CYP3A4: variants seen among roughly 807,000 people sequenced by gnomAD.
CYP3A4 encodes cytochrome P450 3A4.
Under a neutral mutation model 54.9 loss-of-function variants are expected in CYP3A4, and 41 were observed. The observed-to-expected ratio is 0.75, with a 90% CI of 0.58 to 0.97. The LOEUF (loss-of-function observed/expected upper bound fraction) is 0.97, where lower values mean the gene tolerates loss of function less well. Among genes scored for constraint, CYP3A4 ranks in the 50% least tolerant of loss-of-function variants. CYP3A4 has a pLI of 0.00. For synonymous variants in CYP3A4, 179 were observed against 205.2 expected, an observed-to-expected ratio of 0.87 and a Z score of 1.09; for missense variants, 510 against 597.3, an observed-to-expected ratio of 0.85 and a Z score of 1.52.
intron 11 of CYP3A4, 118 bp from the exon 12 acceptor site, chr7:99,761,099 TG>T: frequency 8.5e-7 from 1 of 1,177,618 alleles, no homozygotes; most frequent in Non-Finnish European, 1.2e-6. Context: ...GATACTTTTG[TG>T]GGCTGGTCAT....
intron 8 of CYP3A4, 35 bp from the exon 9 acceptor site, chr7:99,766,478 GTGGCTCC>G (rs1563041125): frequency 6.2e-7 from 1 of 1,613,096 alleles, no homozygotes; most frequent in South Asian, 1.1e-5. Context: ...CTGACAGAAA[GTGGCTCC>G]TGAAGTCAGA....
intron 1 of CYP3A4, among the ~76,000 whole-genome samples, chr7:99,781,837 C>T (rs115106387): frequency 6.6e-6 from 1 of 152,216 alleles, no homozygotes; most frequent in Non-Finnish European, 1.5e-5. Flanking sequence ...ATGTTCCAGA[C>T]AGTTGAATTA....
At chr7:99,767,107 C>T in intron 8 of CYP3A4, 24 bp downstream of exon 8, 1 of 1,603,420 alleles carries the variant, frequency 6.2e-7, no homozygotes, top group Non-Finnish European at 8.5e-7. Flanking sequence ...TAAACATCCT[C>T]CTATAACTAC....
chr7:99,776,970 T>C (rs928200360), intron 3 of CYP3A4, among the ~76,000 whole-genome samples: 1 of 152,182 alleles, frequency 6.6e-6, no homozygotes, highest in Non-Finnish European at 1.5e-5. Context: ...TACCCTTCTA[T>C]TAAAAAGTCT....
intron 9 of CYP3A4, among the ~76,000 whole-genome samples, chr7:99,764,761 A>C (rs1815434207): frequency 6.6e-6 from 1 of 152,196 alleles, no homozygotes; most frequent in Admixed American, 6.5e-5. Flanking sequence ...AGAATTGACT[A>C]TCTCAGGATG....
intron 9 of CYP3A4, among the ~76,000 whole-genome samples, chr7:99,766,134 A>T (rs1815470695): frequency 6.6e-6 from 1 of 152,138 alleles, no homozygotes; most frequent in Non-Finnish European, 1.5e-5. Context: ...TGATCCACAG[A>T]CCGCAGACTG....
At chr7:99,783,923 G>A (rs1206632949) in intron 1 of CYP3A4, 88 bp downstream of exon 1, 1 of 1,451,458 alleles carries the variant, frequency 6.9e-7, no homozygotes, top group Non-Finnish European at 9.7e-7. Context: ...CATCTTTTTT[G>A]ATCTTCAAAA....
At chr7:99,761,815 C>T (rs1025880214) in intron 11 of CYP3A4, among the ~76,000 whole-genome samples, 1 of 152,050 alleles carries the variant, frequency 6.6e-6, no homozygotes, top group African/African-American at 2.4e-5. Context: ...TAACTGATGA[C>T]CTTCATCGTA....
rs1170894844 is a variant in CYP3A4, at chr7:99,766,398, T to C, written c.844A>G (p.Lys282Glu). ...LQLMIDSQNS[K>E]ETESHKALSD... is the part of the protein sequence containing the mutation. The stretch of plus-strand genomic sequence containing the variant: ...TTACCTTTGTGGGACTCAGTTTCTT[T>C]TGAATTCTGAGAGTCAATCATCAGC... The change falls in exon 9 of 13, where the codon AAA (lysine) becomes GAA (glutamate). Residue 282 changes from lysine (K) to glutamate (E), a missense_variant. Transcript: ENST00000651514. 6.2e-7 allele frequency: 1 copy of C among 1,613,608 alleles called. No homozygotes were observed. The highest frequency in any genetic ancestry group is 1.3e-5 in the African/African-American group (1 of 74,866).
chr7:99,779,498 A>T (rs541742894), intron 2 of CYP3A4, among the ~76,000 whole-genome samples: 1 of 152,296 alleles, frequency 6.6e-6, no homozygotes, highest in South Asian at 2.1e-4. Flanking sequence ...AAATGACCCA[A>T]AGGTAAATAC....
At chr7:99,760,314 G>A (rs1815286966) in intron 12 of CYP3A4, among the ~76,000 whole-genome samples, 1 of 152,302 alleles carries the variant, frequency 6.6e-6, no homozygotes, top group Non-Finnish European at 1.5e-5. Flanking sequence ...CAATGGGGAA[G>A]CTTTTAAAGC....
At chr7:99,766,815 A>G in intron 8 of CYP3A4, 1 of 357,952 alleles carries the variant, frequency 2.8e-6, no homozygotes, top group Non-Finnish European at 5.0e-6. Flanking sequence ...CCAAACAGTA[A>G]TGTTTATCCT....
intron 3 of CYP3A4, among the ~76,000 whole-genome samples, chr7:99,777,585 A>G (rs1424122064): frequency 6.6e-6 from 1 of 151,914 alleles, no homozygotes; most frequent in African/African-American, 2.4e-5. Flanking sequence ...TGTGCCTGAT[A>G]ACAAAACTAT....
chr7:99,782,220 C>T (rs2253493), intron 1 of CYP3A4, among the ~76,000 whole-genome samples: 3 of 152,320 alleles, frequency 2.0e-5, no homozygotes, highest in African/African-American at 7.2e-5. Context: ...AATGTGTCAG[C>T]AGCATTGGTC....
chr7:99,758,371 A>C, intron 12 of CYP3A4, 143 bp from the exon 13 acceptor site: 2 of 897,210 alleles, frequency 2.2e-6, no homozygotes, highest in Non-Finnish European at 3.5e-6. Context: ...ATGGGCAAAA[A>C]AAATGCAGTA....
At position 99,757,987 on chromosome 7, in the gene CYP3A4, G is replaced by C. The variant is rs1019505723; in HGVS notation, c.*146C>G. 2.3e-5 allele frequency: 15 copies of C among 665,366 alleles called. No individual in the cohort carries two copies. The highest frequency in any genetic ancestry group is 3.7e-5 in the Non-Finnish European group (14 of 376,448). 41.2% of individuals were successfully genotyped at this position (665,366 alleles called of 1,614,324 possible). A position where few individuals can be genotyped will look rare whatever the true frequency, so the allele number is the denominator to read the frequency against. On this transcript the variant is annotated 3_prime_UTR_variant, in exon 13 of 13. Coordinates refer to ENST00000651514, the MANE Select transcript of CYP3A4 (RefSeq NM_017460.6). ...TACACAGACAATGAGAGAGCTCAAT[G>C]CATGTACAGAATCCCCGGTTATTTA... is the stretch of plus-strand genomic sequence containing the variant.
Position 99,767,255 on chromosome 7 carries a change from A to G in CYP3A4, c.674T>C (p.Val225Ala). Residue 225 changes from valine (V) to alanine (A), a missense_variant, in exon 8 of 13, where the codon GTC becomes GCC. Coordinates refer to ENST00000651514, the MANE Select transcript of CYP3A4 (RefSeq NM_017460.6). ...AAGAATTGGGATGAGGAATGGAAAGACTGCTGTAGGAAAAACAAAACAAAA... is the reference window on the plus strand; with the variant it reads ...AAGAATTGGGATGAGGAATGGAAAGGCTGCTGTAGGAAAAACAAAACAAAA... ...FLDPFFLSIT[V>A]FPFLIPILEV... 1.9e-6 allele frequency: 3 copies of G among 1,578,488 alleles called. No individual in the cohort carries two copies. Among genetic ancestry groups the G allele is most frequent in the Non-Finnish European group, 2.6e-6 (3 of 1,169,130 alleles).
chr7:99,773,024 A>G (rs889210167), intron 3 of CYP3A4, among the ~76,000 whole-genome samples: 2 of 152,148 alleles, frequency 1.3e-5, no homozygotes, highest in Admixed American at 6.6e-5. Context: ...GCCATTCTCC[A>G]TAATGTTTCA....
intron 3 of CYP3A4, among the ~76,000 whole-genome samples, chr7:99,776,139 A>G (rs1302121739): frequency 3.3e-5 from 5 of 152,302 alleles, no homozygotes; most frequent in Admixed American, 1.3e-4. Flanking sequence ...CAAAACCACA[A>G]TGAGATACCA....
Sources: gnomAD v4.1 joint callset for allele counts (sites outside exome capture counted in the v4.1 genomes callset) on GRCh38, gnomAD v4.1.1 for gene constraint, MANE v1.5 for transcripts, NCBI Gene and HGNC (gene_info 2026-07-23, HGNC 2026-07-21) for gene names.